The following THADA variants were observed in gnomAD, a reference collection of about 807,000 sequenced individuals.
THADA encodes tRNA (32-2'-O)-methyltransferase regulator THADA.
Under a neutral mutation model 219.8 loss-of-function variants are expected in THADA, and 213 were observed. The observed-to-expected ratio is 0.97, with a 90% confidence interval of 0.87 to 1.09. The LOEUF is 1.09. Ranked by LOEUF, THADA falls within the 50% of genes least tolerant of loss-of-function variation. THADA has a pLI of 0.00. For synonymous variants in THADA, 1,018 were observed against 828.9 expected, an observed-to-expected ratio of 1.23 and a Z score of -3.92; for missense variants, 2,956 against 2,311.3, an observed-to-expected ratio of 1.28 and a Z score of -5.72.
chr2:43,567,286 AT>A (rs1698800740), intron 14 of THADA, among the ~76,000 whole-genome samples: 1 of 152,130 alleles, frequency 6.6e-6, no homozygotes, highest in Non-Finnish European at 1.5e-5. Flanking sequence ...TTACTGAAAA[AT>A]ATCCTAGTTA....
At chr2:43,571,249 A>G (rs79635290) in intron 13 of THADA, among the ~76,000 whole-genome samples, 7 of 123,210 alleles carry the variant, frequency 5.7e-5, no homozygotes, top group South Asian at 2.7e-4. Flanking sequence ...GAGCAAGACT[A>G]TTTTTTTTTT....
At chr2:43,556,281 T>G in intron 17 of THADA, 64 bp downstream of exon 17, 3 of 1,581,884 alleles carry the variant, frequency 1.9e-6, no homozygotes, top group South Asian at 2.3e-5. Context: ...CCATTAGATA[T>G]TCTAACCAAA....
At chr2:43,481,714 T>C (rs1233905782) in intron 26 of THADA, among the ~76,000 whole-genome samples, 2 of 152,344 alleles carry the variant, frequency 1.3e-5, no homozygotes, top group Non-Finnish European at 1.5e-5. Context: ...ATATTCTTCA[T>C]GTACTCCCCT....
chr2:43,243,057 A>G (rs560789016), intron 36 of THADA, among the ~76,000 whole-genome samples: 24 of 151,980 alleles, frequency 1.6e-4, no homozygotes, highest in Admixed American at 2.6e-4. Flanking sequence ...TCTTTCTTGC[A>G]CCCTCCCCAG....
At chr2:43,272,995 TC>T (rs1427536789) in intron 36 of THADA, among the ~76,000 whole-genome samples, 1 of 151,854 alleles carries the variant, frequency 6.6e-6, no homozygotes, top group Non-Finnish European at 1.5e-5. Flanking sequence ...ATGCCTGTAA[TC>T]CCAGCATTTT....
At chr2:43,518,421 T>C (rs1487075106) in intron 22 of THADA, among the ~76,000 whole-genome samples, 1 of 152,204 alleles carries the variant, frequency 6.6e-6, no homozygotes, top group Non-Finnish European at 1.5e-5. Flanking sequence ...ACCAGGGTTA[T>C]AGTATTCATA....
rs1268213661 is a variant in THADA at position 43,292,814 on chromosome 2, C to G, written c.4818+20G>C. ...AATGTGGGGAGTGTAAAGGGCCAGT[C>G]AGTACGTTGGAGACTTTACCTTGCA... On this transcript the variant is annotated intron_variant, in intron 32 of 37. Coordinates refer to ENST00000405975, the MANE Select transcript of THADA (RefSeq NM_022065.5). 1.9e-6 allele frequency: 3 copies of G among 1,602,778 alleles called. No individual in the cohort carries two copies. The highest frequency in any genetic ancestry group is 2.5e-6 in the Non-Finnish European group (3 of 1,177,444).
chr2:43,579,646 A>G (rs1700206089), intron 8 of THADA, among the ~76,000 whole-genome samples: 1 of 152,214 alleles, frequency 6.6e-6, no homozygotes, highest in Admixed American at 6.5e-5. Flanking sequence ...GTAGGCATAT[A>G]AGAGGGTTCA....
chr2:43,245,454 T>G (rs1269749315), intron 36 of THADA, among the ~76,000 whole-genome samples: 1 of 152,200 alleles, frequency 6.6e-6, no homozygotes, highest in Admixed American at 6.5e-5. Flanking sequence ...ATTATAGGCA[T>G]GAGCCACCAC....
intron 26 of THADA, among the ~76,000 whole-genome samples, chr2:43,438,397 C>A (rs1372593833): frequency 6.6e-6 from 1 of 150,908 alleles, no homozygotes; most frequent in African/African-American, 2.4e-5. Context: ...CGTATTGAAT[C>A]TTTCAGAATA....
chr2:43,551,766 G>A lies in THADA; in HGVS notation c.2947+23C>T, dbSNP rs368819813. 8.1e-6 allele frequency: 13 copies of A among 1,606,378 alleles called. No homozygotes were observed. In the African/African-American group the frequency reaches 1.3e-4, roughly 17 times the overall value. The stretch of plus-strand genomic sequence containing the variant: ...ATAATAATCAAACCACAGCACTCTA[G>A]CCGGCCTTCTTCATTTGCTAACCTG... On this transcript the variant is annotated intron_variant, in intron 19 of 37. Transcript: ENST00000405975.
chr2:43,418,826 C>G lies in THADA; in HGVS notation c.4058+9274G>C, dbSNP rs1677335554. On this transcript the variant is annotated intron_variant, in intron 28 of 37. Transcript: ENST00000405975. Reference sequence around the variant, plus strand: ...GCCAGAGAAGCCACAGAAGAAAGAACTCAAGAAGAAAGGAGTCTGCAATAG... The same window carrying G: ...GCCAGAGAAGCCACAGAAGAAAGAAGTCAAGAAGAAAGGAGTCTGCAATAG... Among the ~76,000 whole-genome samples, 3 of 152,026 alleles carry G rather than the reference C, an allele frequency of 2.0e-5. No individual in the cohort carries two copies. In the South Asian group the frequency reaches 6.2e-4, roughly 32 times the overall value.
intron 36 of THADA, among the ~76,000 whole-genome samples, chr2:43,237,356 G>A (rs891210585): frequency 1.2e-4 from 18 of 150,394 alleles, no homozygotes; most frequent in African/African-American, 2.9e-4. Context: ...AAAATGTACC[G>A]AACACCTAAA....
At chr2:43,527,052 T>C (rs748361089) in intron 22 of THADA, among the ~76,000 whole-genome samples, 3 of 152,142 alleles carry the variant, frequency 2.0e-5, no homozygotes, top group Non-Finnish European at 2.9e-5. Flanking sequence ...AGCCCATAAC[T>C]GCCAAAATGT....
intron 1 of THADA, among the ~76,000 whole-genome samples, chr2:43,593,819 G>A (rs145636102): frequency 0.026 from 3,995 of 152,046 alleles, 119 homozygotes; most frequent in African/African-American, 0.074. Flanking sequence ...ATTTTTAGTA[G>A]AGACGGGGTT....
At chr2:43,338,702 C>G (rs1299339841) in intron 30 of THADA, among the ~76,000 whole-genome samples, 1 of 152,152 alleles carries the variant, frequency 6.6e-6, no homozygotes, top group Non-Finnish European at 1.5e-5. Context: ...CCTTCCTTTT[C>G]CAGGCTAAGT....
chr2:43,415,758 A>G (rs528797470), intron 28 of THADA, among the ~76,000 whole-genome samples: 2 of 152,094 alleles, frequency 1.3e-5, no homozygotes, highest in Non-Finnish European at 2.9e-5. Context: ...ACGGTGGGTC[A>G]GGCAAGGAGG....
intron 31 of THADA, among the ~76,000 whole-genome samples, chr2:43,305,247 C>A (rs994762808): frequency 5.9e-5 from 9 of 152,142 alleles, no homozygotes; most frequent in Admixed American, 3.3e-4. Context: ...CTTAATAAAT[C>A]TTGGCTTCTC....
At chr2:43,507,161 A>T (rs182729832) in intron 23 of THADA, among the ~76,000 whole-genome samples, 275 of 152,104 alleles carry the variant, frequency 1.8e-3, no homozygotes, top group Middle Eastern at 3.4e-3. Context: ...GCAGATTTTT[A>T]AAAAAAAATT....
Sources: allele counts gnomAD v4.1 joint callset (sites outside exome capture counted in the v4.1 genomes callset), GRCh38; gene constraint gnomAD v4.1.1; transcripts MANE v1.5; gene names NCBI Gene and HGNC (gene_info 2026-07-23, HGNC 2026-07-21).